Variants in SCAPER observed in about 807,000 individuals in gnomAD.
SCAPER encodes the protein S-phase cyclin A associated protein in the ER.
Under a neutral mutation model 182.2 loss-of-function variants are expected in SCAPER, and 98 were observed. The observed-to-expected ratio is 0.54, with a 90% confidence interval of 0.46 to 0.64. The LOEUF is 0.64. Among genes scored for constraint, SCAPER ranks in the 30% least tolerant of loss-of-function variants. SCAPER has a pLI of 0.00. For synonymous variants in SCAPER, 605 were observed against 564.6 expected, an observed-to-expected ratio of 1.07 and a Z score of -1.01; for missense variants, 1,432 against 1,690.0, an observed-to-expected ratio of 0.85 and a Z score of 2.68.
chr15:76,777,434 C>G (rs182891858), intron 8 of SCAPER, among the ~76,000 whole-genome samples: 1 of 152,312 alleles, frequency 6.6e-6, no homozygotes, highest in African/African-American at 2.4e-5. Flanking sequence ...GGTGGTGGCA[C>G]ATGCCTGTAA....
intron 8 of SCAPER, among the ~76,000 whole-genome samples, chr15:76,782,635 A>G (rs935140563): frequency 2.6e-5 from 4 of 152,204 alleles, no homozygotes; most frequent in African/African-American, 9.6e-5. Context: ...TTGGAAGTAA[A>G]GCACTCCTCA....
Position 76,769,213 on chromosome 15 carries a change from C to T in SCAPER, c.1249-2125G>A, listed in dbSNP as rs545126750. Among the ~76,000 whole-genome samples the T allele has an allele frequency of 4.4e-3, 665 of 151,630 alleles. 5 individuals are homozygous for T. Among genetic ancestry groups the T allele is most frequent in the Non-Finnish European group, 6.5e-3 (444 of 67,862 alleles). On this transcript the variant is annotated intron_variant, in intron 10 of 31. Coordinates refer to ENST00000563290, the MANE Select transcript of SCAPER (RefSeq NM_020843.4). ...ATCCCAGCACTTTGGGAGGCCGAGG[C>T]GGGTGGATCACGAGGTCAGGATATC...
chr15:76,878,376 A>C (rs908581538), intron 2 of SCAPER, among the ~76,000 whole-genome samples: 3 of 152,032 alleles, frequency 2.0e-5, no homozygotes, highest in Non-Finnish European at 4.4e-5. Flanking sequence ...ATTATAATGA[A>C]ATTAAAAATT....
At chr15:76,653,683 C>T (rs918468663) in intron 21 of SCAPER, among the ~76,000 whole-genome samples, 1 of 152,210 alleles carries the variant, frequency 6.6e-6, no homozygotes, top group Admixed American at 6.5e-5. Flanking sequence ...TGGACCCCTA[C>T]TTTTCACCAG....
At position 76,652,309 on chromosome 15, in the gene SCAPER, T is replaced by TAC. The variant is rs1327915758; in HGVS notation, c.2645+13342_2645+13343dup. Reference sequence around the variant, plus strand: ...ATATATATATATATATATATATATATACACACACACACACACACACACATA... The same window carrying TAC: ...ATATATATATATATATATATATATATACACACACACACACACACACACACATA... On this transcript the variant is annotated intron_variant, in intron 21 of 31. Coordinates refer to ENST00000563290, the MANE Select transcript of SCAPER (RefSeq NM_020843.4). Among the ~76,000 whole-genome samples, 11 of 14,140 alleles carry TAC rather than the reference T, an allele frequency of 7.8e-4. 1 individual carries two copies. Among genetic ancestry groups the TAC allele is most frequent in the East Asian group, 3.0e-3 (1 of 332 alleles). 9.3% of individuals were successfully genotyped at this position (14,140 alleles called of 152,430 possible).
At chr15:76,687,216 T>C (rs2058081085) in intron 20 of SCAPER, among the ~76,000 whole-genome samples, 1 of 152,036 alleles carries the variant, frequency 6.6e-6, no homozygotes, top group Non-Finnish European at 1.5e-5. Context: ...ACCAATCGGA[T>C]AAAAAAGTAA....
At chr15:76,550,618 G>A (rs558600414) in intron 23 of SCAPER, among the ~76,000 whole-genome samples, 14 of 151,908 alleles carry the variant, frequency 9.2e-5, no homozygotes, top group Admixed American at 2.0e-4. Context: ...GGTTGATTCC[G>A]TATCTTTTTT....
At chr15:76,431,594 C>G (rs961365490) in intron 26 of SCAPER, among the ~76,000 whole-genome samples, 1 of 142,250 alleles carries the variant, frequency 7.0e-6, no homozygotes, top group Non-Finnish European at 1.5e-5. Context: ...ACAAAAATGC[C>G]CAGATTGTAA....
Position 76,471,348 on chromosome 15 carries a change from G to A in SCAPER, c.2955-13C>T, listed in dbSNP as rs2050150215. On this transcript the variant is annotated splice_polypyrimidine_tract_variant and intron_variant, in intron 24 of 31. Coordinates refer to ENST00000563290, the MANE Select transcript of SCAPER (RefSeq NM_020843.4). ...ATTGCAGAGAGACCTAAAAGAAGGA[G>A]AAAAACACCATTTATAAAACCCGAG... 1 of 1,590,326 alleles carries A rather than the reference G, an allele frequency of 6.3e-7. No individual in the cohort carries two copies. The highest frequency in any genetic ancestry group is 8.5e-7 in the Non-Finnish European group (1 of 1,171,148).
intron 21 of SCAPER, among the ~76,000 whole-genome samples, chr15:76,633,939 T>C (rs1049217825): frequency 6.6e-6 from 1 of 152,210 alleles, no homozygotes; most frequent in Non-Finnish European, 1.5e-5. Context: ...GCGGCCACTT[T>C]GGTCCCTGGC....
rs1291400785 is a variant in SCAPER, at chr15:76,883,825, A to G, written c.-8T>C. On this transcript the variant is annotated 5_prime_UTR_variant, in exon 2 of 32. Coordinates refer to ENST00000563290, the MANE Select transcript of SCAPER (RefSeq NM_020843.4). ...GATATCACTTACCATCATTCTTTAA[A>G]TTCTCTTCTATGCCAAGATCATTTA... 5.2e-6 allele frequency: 8 copies of G among 1,532,466 alleles called. No homozygotes were observed. The highest frequency in any genetic ancestry group is 7.1e-6 in the Non-Finnish European group (8 of 1,133,834). The allele number at this position is 1,532,466 out of a possible 1,614,324, so 94.9% of individuals were successfully genotyped here.
chr15:76,900,251 G>A (rs987530881), intron 1 of SCAPER, among the ~76,000 whole-genome samples: 2 of 149,726 alleles, frequency 1.3e-5, no homozygotes, highest in African/African-American at 2.5e-5. Flanking sequence ...CTTTGTTCTC[G>A]TGTTTATCTG....
intron 29 of SCAPER, among the ~76,000 whole-genome samples, chr15:76,368,495 A>G (rs1473238539): frequency 6.6e-6 from 1 of 152,248 alleles, no homozygotes; most frequent in Admixed American, 6.5e-5. Context: ...TGGAAAATGC[A>G]TGGCATGCAG....
chr15:76,354,163 G>C lies in SCAPER; in HGVS notation c.3856-23C>G, dbSNP rs747832101. On this transcript the variant is annotated intron_variant, in intron 29 of 31. Transcript: ENST00000563290. The surrounding 1 kb of genome is among the most constrained non-coding windows in gnomAD (Gnocchi z 4.4). ...CACCTGAAATGGAAGAGCAGCCCAG[G>C]TCAGCTGCCGAAACGCCCCAGCCTG... The C allele has an allele frequency of 1.2e-5, 19 of 1,586,402 alleles. No homozygotes were observed. The highest frequency in any genetic ancestry group is 1.6e-5 in the Non-Finnish European group (19 of 1,170,880).
chr15:76,555,910 C>T (rs2046160237), intron 23 of SCAPER, among the ~76,000 whole-genome samples: 2 of 152,094 alleles, frequency 1.3e-5, no homozygotes, highest in South Asian at 2.1e-4. Flanking sequence ...AACTGTCCTC[C>T]CCCAAATAAC....
chr15:76,779,976 A>T (rs988383768), intron 8 of SCAPER, among the ~76,000 whole-genome samples: 1 of 152,192 alleles, frequency 6.6e-6, no homozygotes, highest in African/African-American at 2.4e-5. Context: ...ACGCAGAAGA[A>T]AGGATTTCTG....
At chr15:76,844,861 C>G (rs2069888839) in intron 4 of SCAPER, among the ~76,000 whole-genome samples, 1 of 152,108 alleles carries the variant, frequency 6.6e-6, no homozygotes, top group African/African-American at 2.4e-5. Context: ...CAAAATCATT[C>G]TATGAGGCCA....
At chr15:76,826,471 G>T (rs1364816843) in intron 5 of SCAPER, among the ~76,000 whole-genome samples, 1 of 150,364 alleles carries the variant, frequency 6.7e-6, no homozygotes, top group African/African-American at 2.4e-5. Context: ...TAGATGACGA[G>T]TGAGTGGGTG....
chr15:76,365,632 G>A (rs755761991), intron 29 of SCAPER, among the ~76,000 whole-genome samples: 1 of 151,100 alleles, frequency 6.6e-6, no homozygotes, highest in African/African-American at 2.4e-5. Flanking sequence ...CCATATCATC[G>A]TAAATTTGAG....
Sources: gnomAD v4.1 joint callset for allele counts (sites outside exome capture counted in the v4.1 genomes callset) on GRCh38, gnomAD v4.1.1 for gene constraint, Gnocchi (gnomAD v3.1) non-coding constraint, MANE v1.5 for transcripts, NCBI Gene and HGNC (gene_info 2026-07-23, HGNC 2026-07-21) for gene names.